The following PARD3 variants were observed in gnomAD, a reference collection of about 807,000 sequenced individuals.
The protein encoded by PARD3 is par-3 family cell polarity regulator, also known as partitioning defective 3 homolog.
PARD3 carries 75 observed loss-of-function variants against 155.4 expected under a neutral mutation model. That is an observed-to-expected ratio of 0.48 (90% CI 0.40 to 0.58). The LOEUF (loss-of-function observed/expected upper bound fraction) is 0.58. Among genes scored for constraint, PARD3 ranks in the 20% least tolerant of loss-of-function variants. The pLI is 0.00. For missense variants in PARD3, 1,642 were observed against 1,721.7 expected (o/e 0.95, Z 0.82); for synonymous variants, 576 against 610.5 (o/e 0.94, Z 0.83).
rs200441933 is a variant in PARD3 at position 34,464,120 on chromosome 10, A to G, written c.582+5965T>C. 7.6e-3 allele frequency among the ~76,000 whole-genome samples: 337 copies of G among 44,444 alleles called. 3 individuals carry two copies. Among genetic ancestry groups the G allele is most frequent in the South Asian group, 0.015 (24 of 1,614 alleles). 29.2% of individuals were successfully genotyped at this position (44,444 alleles called of 152,430 possible). On this transcript the variant is annotated intron_variant, in intron 4 of 24. Coordinates refer to ENST00000374788, the MANE Select transcript of PARD3 (RefSeq NM_001184785.2). ...TCAGCTAGACCCGAGGTCCTGCGGG[A>G]AAAAAAAAAAAAAGACCGAGCCCTG...
chr10:34,181,152 T>C (rs1053555242), intron 22 of PARD3, among the ~76,000 whole-genome samples: 4 of 152,170 alleles, frequency 2.6e-5, no homozygotes, highest in African/African-American at 9.7e-5. Flanking sequence ...AATATAAATA[T>C]TCCTGGCTTA....
intron 22 of PARD3, among the ~76,000 whole-genome samples, chr10:34,225,432 A>G (rs1211139823): frequency 6.7e-6 from 1 of 149,830 alleles, no homozygotes; most frequent in African/African-American, 2.5e-5. Context: ...TGCAACCTCC[A>G]CCTCCCGGGT....
chr10:34,475,757 A>G lies in PARD3; in HGVS notation c.404-5494T>C, dbSNP rs113538919. On this transcript the variant is annotated intron_variant, in intron 3 of 24. Coordinates refer to ENST00000374788, the MANE Select transcript of PARD3 (RefSeq NM_001184785.2). Reference sequence around the variant, plus strand: ...GAAGCAGTCATGCTCACAGTGGGACATAAGTTTTCCAAAACCTAATTTTAC... The same window carrying G: ...GAAGCAGTCATGCTCACAGTGGGACGTAAGTTTTCCAAAACCTAATTTTAC... Among the ~76,000 whole-genome samples, 1,066 of 152,366 alleles carry G rather than the reference A, an allele frequency of 7.0e-3. 13 individuals are homozygous for G. Among genetic ancestry groups the G allele is most frequent in the African/African-American group, 0.024 (1,012 of 41,586 alleles).
At chr10:34,708,939 C>A in intron 1 of PARD3, among the ~76,000 whole-genome samples, 1 of 152,068 alleles carries the variant, frequency 6.6e-6, no homozygotes, top group East Asian at 1.9e-4. Flanking sequence ...TAAGGAAACA[C>A]CCTTATTCTA....
chr10:34,666,796 A>AAAAAAAAAAATAT (rs1358640964), intron 2 of PARD3, among the ~76,000 whole-genome samples: 57 of 66,924 alleles, frequency 8.5e-4, no homozygotes, highest in East Asian at 1.1e-3. Context: ...AAAAAAAAAA[A>AAAAAAAAAAATAT]ATATATATAT....
intron 22 of PARD3, among the ~76,000 whole-genome samples, chr10:34,167,399 C>T (rs1949583814): frequency 1.3e-5 from 2 of 151,956 alleles, no homozygotes; most frequent in Admixed American, 6.6e-5. Context: ...GCCAGTAATG[C>T]TTTTTCACTT....
At chr10:34,384,652 G>A (rs966704614) in intron 7 of PARD3, among the ~76,000 whole-genome samples, 3 of 152,268 alleles carry the variant, frequency 2.0e-5, no homozygotes, top group South Asian at 2.1e-4. Flanking sequence ...CTTAAAAGAC[G>A]ACTGCAACTC....
intron 2 of PARD3, among the ~76,000 whole-genome samples, chr10:34,597,542 T>C (rs1229280326): frequency 1.3e-5 from 2 of 152,014 alleles, no homozygotes; most frequent in Non-Finnish European, 2.9e-5. Context: ...GATCCTCCCA[T>C]CTCAGCCTCC....
intron 2 of PARD3, among the ~76,000 whole-genome samples, chr10:34,517,732 T>G (rs1324860599): frequency 6.6e-6 from 1 of 151,592 alleles, no homozygotes; most frequent in Non-Finnish European, 1.5e-5. Context: ...ACACCAAGAA[T>G]GAACAAAAGA....
chr10:34,481,241 C>A (rs183544203), intron 3 of PARD3, among the ~76,000 whole-genome samples: 1 of 152,060 alleles, frequency 6.6e-6, no homozygotes, highest in East Asian at 1.9e-4. Context: ...CACCCTCCTC[C>A]CTTTCCCTCT....
chr10:34,607,391 G>C (rs1162553615), intron 2 of PARD3, among the ~76,000 whole-genome samples: 2 of 152,318 alleles, frequency 1.3e-5, no homozygotes, highest in Non-Finnish European at 2.9e-5. Flanking sequence ...GATGGATTTT[G>C]TGCCAACAAT....
intron 2 of PARD3, among the ~76,000 whole-genome samples, chr10:34,569,023 A>C (rs2086177252): frequency 6.6e-6 from 1 of 152,230 alleles, no homozygotes; most frequent in Non-Finnish European, 1.5e-5. Context: ...GTTCATGCTA[A>C]GTAAAAGTAT....
intron 3 of PARD3, among the ~76,000 whole-genome samples, chr10:34,499,822 A>C (rs1482832309): frequency 3.9e-5 from 6 of 152,220 alleles, no homozygotes; most frequent in African/African-American, 1.4e-4. Flanking sequence ...GATTGGTCCC[A>C]GATGCCTGAG....
rs2086823906 is a variant in PARD3, at chr10:34,575,678, C to CCT, written c.223-58520_223-58519insAG. On this transcript the variant is annotated intron_variant, in intron 2 of 24. Transcript: ENST00000374788. ...TGGGAGGCCAAGGTGGGCAGATCAC[C>CCT]TAAGGTCAGGAGTTCGAGACCAGCC... Among the ~76,000 whole-genome samples the CCT allele has an allele frequency of 7.2e-5, 11 of 152,192 alleles. No homozygotes were observed. In the South Asian group the frequency reaches 2.3e-3, roughly 32 times the overall value.
chr10:34,575,865 C>T (rs1269376576), intron 2 of PARD3, among the ~76,000 whole-genome samples: 2 of 152,056 alleles, frequency 1.3e-5, no homozygotes, highest in Non-Finnish European at 2.9e-5. Flanking sequence ...CATTGCACTC[C>T]AGCCTGGGTG....
At chr10:34,394,308 G>A (rs1843124052) in intron 7 of PARD3, among the ~76,000 whole-genome samples, 1 of 152,076 alleles carries the variant, frequency 6.6e-6, no homozygotes, top group Non-Finnish European at 1.5e-5. Flanking sequence ...TTACAGGCAT[G>A]AGCCACCATG....
At chr10:34,225,029 C>T (rs1274951044) in intron 22 of PARD3, among the ~76,000 whole-genome samples, 1 of 151,852 alleles carries the variant, frequency 6.6e-6, no homozygotes, top group Non-Finnish European at 1.5e-5. Context: ...AAAAAGAGAC[C>T]AAGATTTTCA....
chr10:34,326,371 T>G (rs1835031139), intron 19 of PARD3, among the ~76,000 whole-genome samples: 1 of 152,154 alleles, frequency 6.6e-6, no homozygotes, highest in South Asian at 2.1e-4. Flanking sequence ...TAAAATGATG[T>G]GATAGGTTAT....
chr10:34,267,280 A>G (rs1955367697), intron 22 of PARD3, among the ~76,000 whole-genome samples: 1 of 152,204 alleles, frequency 6.6e-6, no homozygotes, highest in African/African-American at 2.4e-5. Context: ...AAACCAAGTA[A>G]GAGCTTTTAA....
Sources: allele counts gnomAD v4.1 joint callset (sites outside exome capture counted in the v4.1 genomes callset), GRCh38; gene constraint gnomAD v4.1.1; transcripts MANE v1.5; gene names NCBI Gene and HGNC (gene_info 2026-07-23, HGNC 2026-07-21).